The following LTBP1 variants were observed in gnomAD, a reference collection of about 807,000 sequenced individuals.
The protein encoded by LTBP1 is latent-transforming growth factor beta-binding protein 1.
Under a neutral mutation model 207.6 loss-of-function variants are expected in LTBP1, and 129 were observed. The observed-to-expected ratio is 0.62, with a 90% CI of 0.54 to 0.72. LTBP1 has a LOEUF of 0.72. LTBP1 is among the 30% of genes least tolerant of loss of function. LTBP1 has a pLI of 0.00. For missense variants in LTBP1, 2,281 were observed against 2,217.2 expected (o/e 1.03, Z -0.58); for synonymous variants, 963 against 833.7 (o/e 1.16, Z -2.67).
rs559928469 is a variant in LTBP1 at position 33,105,290 on chromosome 2, C to G, written c.864-5292C>G. 2.0e-4 allele frequency among the ~76,000 whole-genome samples: 30 copies of G among 152,224 alleles called. No individual in the cohort carries two copies. In the East Asian group the frequency reaches 4.6e-3, roughly 23 times the overall value. ...AGTTATGTTTACACTATACCTTAGT[C>G]TATTAAGTGTGTAATAGCATTATGT... On this transcript the variant is annotated intron_variant, in intron 3 of 33. Coordinates refer to ENST00000404816, the MANE Select transcript of LTBP1 (RefSeq NM_206943.4).
chr2:33,099,686 CT>C (rs1014827138), intron 3 of LTBP1, among the ~76,000 whole-genome samples: 2 of 152,152 alleles, frequency 1.3e-5, no homozygotes, highest in Non-Finnish European at 2.9e-5. Flanking sequence ...CTGTGTAGTA[CT>C]GTTTATTCTT....
chr2:33,222,999 A>G (rs1213875734), intron 9 of LTBP1, among the ~76,000 whole-genome samples: 2 of 152,222 alleles, frequency 1.3e-5, no homozygotes, highest in African/African-American at 2.4e-5. Context: ...AGAGTCTGAT[A>G]GAACCAAAAG....
chr2:33,175,381 C>G (rs577251749), intron 5 of LTBP1, among the ~76,000 whole-genome samples: 177 of 152,058 alleles, frequency 1.2e-3, no homozygotes, highest in African/African-American at 3.7e-3. Flanking sequence ...GCCATTTATG[C>G]AGCCAAAAGA....
chr2:33,124,027 A>G (rs573843873), intron 4 of LTBP1, among the ~76,000 whole-genome samples: 11 of 152,354 alleles, frequency 7.2e-5, no homozygotes, highest in African/African-American at 2.6e-4. Context: ...ATTGTATTAT[A>G]TTTTAGACTT....
At chr2:33,189,346 C>T (rs550826287) in intron 7 of LTBP1, among the ~76,000 whole-genome samples, 7 of 152,260 alleles carry the variant, frequency 4.6e-5, no homozygotes, top group Admixed American at 4.6e-4. Context: ...TAGGCACGTG[C>T]CACCACTCTC....
intron 5 of LTBP1, among the ~76,000 whole-genome samples, chr2:33,167,028 G>A (rs1283010386): frequency 6.6e-6 from 1 of 152,014 alleles, no homozygotes; most frequent in East Asian, 1.9e-4. Flanking sequence ...GCTACTCCGG[G>A]GTTGACCCTA....
chr2:33,298,007 A>G (rs2093914109), intron 20 of LTBP1, among the ~76,000 whole-genome samples: 1 of 152,210 alleles, frequency 6.6e-6, no homozygotes. Flanking sequence ...GTTTTTGGGA[A>G]GAAGAACACA....
At chr2:33,349,276 C>G (rs969708532) in intron 26 of LTBP1, among the ~76,000 whole-genome samples, 1 of 152,064 alleles carries the variant, frequency 6.6e-6, no homozygotes, top group African/African-American at 2.4e-5. Flanking sequence ...AAGGTGAAAC[C>G]CTGTCTCTAC....
intron 4 of LTBP1, among the ~76,000 whole-genome samples, chr2:33,116,962 G>A (rs2150338323): frequency 6.6e-6 from 1 of 152,326 alleles, no homozygotes; most frequent in South Asian, 2.1e-4. Context: ...CACCACAGGA[G>A]ACATCTTAGC....
chr2:33,387,380 C>A (rs1426995994), intron 31 of LTBP1, among the ~76,000 whole-genome samples: 1 of 152,206 alleles, frequency 6.6e-6, no homozygotes, highest in Non-Finnish European at 1.5e-5. Context: ...TGAAGTAGTT[C>A]TTTTCTTTTG....
intron 2 of LTBP1, among the ~76,000 whole-genome samples, chr2:32,983,187 G>A (rs1009543278): frequency 4.6e-5 from 7 of 152,150 alleles, no homozygotes; most frequent in Non-Finnish European, 1.0e-4. Flanking sequence ...CAGAGTCAAA[G>A]GAGATCATTT....
At chr2:33,005,372 G>A (rs1201193006) in intron 2 of LTBP1, among the ~76,000 whole-genome samples, 1 of 152,128 alleles carries the variant, frequency 6.6e-6, no homozygotes, top group Non-Finnish European at 1.5e-5. Context: ...CTTAGCTGGG[G>A]TTGTTGGCTG....
chr2:33,360,610 T>A lies in LTBP1; in HGVS notation c.4014T>A (p.Asp1338Glu). ...RSRTSTDLDV[D>E]VDQPKEEKKE... ...TACTCCATTTAGATTTAGATGTAGA[T>A]GTAGATCAACCCAAAGAAGAAAAGA... The change falls in exon 27 of 34, where the codon GAT (aspartate) becomes GAA (glutamate). Residue 1338 changes from aspartate to glutamate, a missense_variant. Asp to Glu is a conservative substitution (Grantham distance 45). Transcript: ENST00000404816. 6.2e-7 allele frequency: 1 copy of A among 1,612,520 alleles called. No individual in the cohort carries two copies. Among genetic ancestry groups the A allele is most frequent in the South Asian group, 1.1e-5 (1 of 91,054 alleles).
At chr2:33,345,920 A>G (rs2094695258) in intron 25 of LTBP1, among the ~76,000 whole-genome samples, 1 of 152,234 alleles carries the variant, frequency 6.6e-6, no homozygotes, top group African/African-American at 2.4e-5. Flanking sequence ...CATGAATAAA[A>G]TATTGCAGGA....
At chr2:33,180,266 T>A (rs1027402316) in intron 5 of LTBP1, among the ~76,000 whole-genome samples, 1 of 152,132 alleles carries the variant, frequency 6.6e-6, no homozygotes, top group African/African-American at 2.4e-5. Context: ...CCACATTCCA[T>A]AGGGACAAAA....
intron 2 of LTBP1, among the ~76,000 whole-genome samples, chr2:33,007,181 C>T (rs1446624657): frequency 6.6e-6 from 1 of 152,182 alleles, no homozygotes; most frequent in East Asian, 1.9e-4. Context: ...TCTCTTGCCT[C>T]AGCCTCCCAA....
At chr2:33,047,391 G>A (rs2076503472) in intron 3 of LTBP1, among the ~76,000 whole-genome samples, 1 of 152,194 alleles carries the variant, frequency 6.6e-6, no homozygotes, top group Admixed American at 6.5e-5. Context: ...CAATTCAGGA[G>A]CAGGTTGTTC....
At chr2:33,056,952 G>A (rs966421660) in intron 3 of LTBP1, among the ~76,000 whole-genome samples, 49 of 152,100 alleles carry the variant, frequency 3.2e-4, no homozygotes, top group Non-Finnish European at 5.0e-4. Context: ...CGATTGGTCC[G>A]TTTTGACAGG....
chr2:33,033,198 C>A (rs1200733060), intron 3 of LTBP1, among the ~76,000 whole-genome samples: 2 of 151,514 alleles, frequency 1.3e-5, no homozygotes, highest in African/African-American at 4.8e-5. Context: ...ATGTTTCTTC[C>A]ATCATTTCTA....
Sources: gnomAD v4.1 joint callset for allele counts (sites outside exome capture counted in the v4.1 genomes callset) on GRCh38, gnomAD v4.1.1 for gene constraint, MANE v1.5 for transcripts, NCBI Gene and HGNC (gene_info 2026-07-23, HGNC 2026-07-21) for gene names.